The following FHL5 variants were observed in gnomAD, a reference collection of about 807,000 sequenced individuals.
FHL5 encodes the protein four and a half LIM domains protein 5.
In FHL5, 33 loss-of-function variants were observed where a neutral mutation model predicts 32.0. The ratio of observed to expected loss-of-function variants is 1.03; its 90% CI spans 0.78 to 1.38. The LOEUF (loss-of-function observed/expected upper bound fraction) is 1.38. Ranked by LOEUF, FHL5 falls within the 40% of genes most tolerant of loss-of-function variation. The pLI is 0.00. For missense variants in FHL5, 336 were observed against 343.9 expected (o/e 0.98, Z 0.18); for synonymous variants, 114 against 113.6 (o/e 1.00, Z -0.02).
chr6:96,615,776 A>G lies in FHL5; in HGVS notation c.*4A>G, dbSNP rs772559214. 5.6e-6 allele frequency: 9 copies of G among 1,598,996 alleles called. No individual in the cohort carries two copies. Among genetic ancestry groups the G allele is most frequent in the Non-Finnish European group, 7.7e-6 (9 of 1,172,012 alleles). ...CGGAATGGACACTGACATCTAGGAG[A>G]CAGTCCTTGCCCACCTAAAATCCAT... On this transcript the variant is annotated 3_prime_UTR_variant, in exon 6 of 6. Transcript: ENST00000450218.
intron 1 of FHL5, among the ~76,000 whole-genome samples, chr6:96,601,533 A>G (rs893594174): frequency 1.3e-5 from 2 of 152,180 alleles, no homozygotes; most frequent in African/African-American, 4.8e-5. Flanking sequence ...AAAATAAACA[A>G]TTGAAATATT....
At chr6:96,594,640 C>T (rs995792257) in intron 1 of FHL5, among the ~76,000 whole-genome samples, 8 of 151,902 alleles carry the variant, frequency 5.3e-5, no homozygotes, top group Non-Finnish European at 1.2e-4. Flanking sequence ...TGGTTTTCAA[C>T]CAAGAAAGTT....
At chr6:96,612,561 C>T (rs867356958) in intron 5 of FHL5, among the ~76,000 whole-genome samples, 21 of 152,222 alleles carry the variant, frequency 1.4e-4, no homozygotes, top group Middle Eastern at 6.8e-3. Flanking sequence ...AGATCAATCA[C>T]TGGGCCCAGC....
At chr6:96,581,518 G>A (rs935244883) in intron 1 of FHL5, among the ~76,000 whole-genome samples, 4 of 152,160 alleles carry the variant, frequency 2.6e-5, no homozygotes, top group African/African-American at 9.7e-5. Context: ...GTTACAGATG[G>A]GGCCTGTGTT....
intron 1 of FHL5, among the ~76,000 whole-genome samples, chr6:96,594,258 TATATATATATATA>T (rs763816442): frequency 0.065 from 7,699 of 118,872 alleles, 341 homozygotes; most frequent in Middle Eastern, 0.13. Flanking sequence ...TATATATATA[TATATATATATATA>T]TATGTATGTA....
intron 1 of FHL5, among the ~76,000 whole-genome samples, chr6:96,595,587 C>T (rs532527736): frequency 6.6e-6 from 1 of 151,910 alleles, no homozygotes; most frequent in Non-Finnish European, 1.5e-5. Flanking sequence ...TTCTTTTACT[C>T]TATCTTCTAC....
At chr6:96,604,701 C>A in intron 2 of FHL5, 49 bp from the exon 3 acceptor site, 1 of 1,476,382 alleles carries the variant, frequency 6.8e-7, no homozygotes, top group Non-Finnish European at 9.3e-7. Context: ...ATAAAATGGC[C>A]TGTATTGTCA....
chr6:96,616,997 T>G lies in FHL5; in HGVS notation c.*1225T>G, dbSNP rs1771536038. ...TCTCCTGCATAACCAGGAGGTGCAC[T>G]CCTAACCCTAAGCAACTGTCCTATA... On this transcript the variant is annotated 3_prime_UTR_variant, in exon 6 of 6. Coordinates refer to ENST00000450218, the MANE Select transcript of FHL5 (RefSeq NM_001322466.2). 6.6e-6 allele frequency among the ~76,000 whole-genome samples: 1 copy of G among 151,684 alleles called. No homozygotes were observed. Among genetic ancestry groups the G allele is most frequent in the South Asian group, 2.1e-4 (1 of 4,810 alleles).
At chr6:96,596,654 C>T (rs1270593477) in intron 1 of FHL5, among the ~76,000 whole-genome samples, 1 of 151,784 alleles carries the variant, frequency 6.6e-6, no homozygotes, top group African/African-American at 2.4e-5. Flanking sequence ...CTTTGATGGT[C>T]TCATTCAGTC....
chr6:96,600,395 C>G (rs191648048), intron 1 of FHL5, among the ~76,000 whole-genome samples: 25 of 152,264 alleles, frequency 1.6e-4, no homozygotes, highest in Admixed American at 1.6e-3. Flanking sequence ...CAAATGAGCT[C>G]CTATGCCATT....
At chr6:96,613,207 T>C (rs1771448882) in intron 5 of FHL5, among the ~76,000 whole-genome samples, 1 of 145,314 alleles carries the variant, frequency 6.9e-6, no homozygotes, top group Non-Finnish European at 1.5e-5. Flanking sequence ...AAACATGTTA[T>C]ATAATATATG....
At chr6:96,586,825 T>G (rs1770809092) in intron 1 of FHL5, among the ~76,000 whole-genome samples, 1 of 152,158 alleles carries the variant, frequency 6.6e-6, no homozygotes. Context: ...AACTTAACAC[T>G]TGTGTGCCAA....
At chr6:96,581,047 C>A (rs1331851632) in intron 1 of FHL5, among the ~76,000 whole-genome samples, 1 of 151,998 alleles carries the variant, frequency 6.6e-6, no homozygotes, top group Admixed American at 6.6e-5. Flanking sequence ...TTGATTCTCC[C>A]ATATTTTAGG....
At chr6:96,569,442 G>T (rs538108093) in intron 1 of FHL5, among the ~76,000 whole-genome samples, 1 of 152,132 alleles carries the variant, frequency 6.6e-6, no homozygotes, top group Non-Finnish European at 1.5e-5. Context: ...TGTCTGGTAG[G>T]TTCATTTGGT....
Position 96,618,516 on chromosome 6 carries a change from G to A in FHL5, c.*2744G>A, listed in dbSNP as rs1771567074. ...AGAAAATAATTATTGTAGTGTTTGA[G>A]GAAAATTATGCTTTTGATCCTTTGT... On this transcript the variant is annotated 3_prime_UTR_variant, in exon 6 of 6. Transcript: ENST00000450218. 6.6e-6 allele frequency among the ~76,000 whole-genome samples: 1 copy of A among 152,188 alleles called. No individual in the cohort carries two copies.
chr6:96,601,742 AG>A (rs1281656206), intron 1 of FHL5, among the ~76,000 whole-genome samples: 1 of 152,216 alleles, frequency 6.6e-6, no homozygotes, highest in Non-Finnish European at 1.5e-5. Context: ...AGAGAGTTAA[AG>A]GTACATATTT....
At chr6:96,598,497 G>T (rs1294773806) in intron 1 of FHL5, among the ~76,000 whole-genome samples, 9 of 152,292 alleles carry the variant, frequency 5.9e-5, no homozygotes, top group South Asian at 4.1e-4. Context: ...GCTTCAAGTT[G>T]TTCCTGAATT....
At chr6:96,611,984 T>C (rs964392172) in intron 5 of FHL5, among the ~76,000 whole-genome samples, 1 of 152,182 alleles carries the variant, frequency 6.6e-6, no homozygotes, top group Non-Finnish European at 1.5e-5. Flanking sequence ...GAGCCTGCCA[T>C]TGGGTGAGCA....
intron 1 of FHL5, among the ~76,000 whole-genome samples, chr6:96,586,136 C>G (rs1379407533): frequency 6.6e-6 from 1 of 152,216 alleles, no homozygotes; most frequent in Non-Finnish European, 1.5e-5. Flanking sequence ...CATCCCAGCT[C>G]TTCGTGAGCA....
Sources: gnomAD v4.1 joint callset for allele counts (sites outside exome capture counted in the v4.1 genomes callset) on GRCh38, gnomAD v4.1.1 for gene constraint, MANE v1.5 for transcripts, NCBI Gene and HGNC (gene_info 2026-07-23, HGNC 2026-07-21) for gene names.